Variants in CPNE1 observed in about 807,000 individuals in gnomAD.
CPNE1 encodes copine-1.
Under a neutral mutation model 63.2 loss-of-function variants are expected in CPNE1, and 58 were observed. The ratio of observed to expected loss-of-function variants is 0.92; its 90% confidence interval spans 0.74 to 1.14. The LOEUF is 1.14. Among genes scored for constraint, CPNE1 ranks in the 50% most tolerant of loss-of-function variants. CPNE1 has a pLI of 0.00. For synonymous variants in CPNE1, 237 were observed against 249.0 expected, an observed-to-expected ratio of 0.95 and a Z score of 0.45; for missense variants, 672 against 661.7, an observed-to-expected ratio of 1.02 and a Z score of -0.17.
intron 1 of CPNE1, among the ~76,000 whole-genome samples, chr20:35,639,581 C>A (rs540900840): frequency 6.6e-6 from 1 of 152,326 alleles, no homozygotes; most frequent in Admixed American, 6.5e-5. Context: ...GGTGATCCGC[C>A]CGCCTTGGCC....
intron 1 of CPNE1, among the ~76,000 whole-genome samples, chr20:35,640,223 T>C (rs2032728756): frequency 2.0e-5 from 3 of 152,220 alleles, no homozygotes; most frequent in Non-Finnish European, 2.9e-5. Context: ...TTCCAAAACA[T>C]GTTTAATCTC....
At chr20:35,654,758 G>C in intron 1 of CPNE1, 2 of 1,613,906 alleles carry the variant, frequency 1.2e-6, no homozygotes, top group Non-Finnish European at 1.7e-6. Context: ...GGAGGAATTG[G>C]TGGCGGCGGG....
At chr20:35,643,236 C>A (rs1279121925) in intron 1 of CPNE1, 1 of 161,028 alleles carries the variant, frequency 6.2e-6, no homozygotes, top group Non-Finnish European at 1.5e-5. Context: ...CCCCTTCCTC[C>A]CTCACCGCTC....
chr20:35,657,665 T>C (rs1010711276), intron 1 of CPNE1, among the ~76,000 whole-genome samples: 5 of 152,248 alleles, frequency 3.3e-5, no homozygotes, highest in Admixed American at 6.5e-5. Flanking sequence ...TGCCTCAGAT[T>C]ACCAGCTGGA....
In CPNE1 at chr20:35,640,309, A is replaced by T. The variant is rs546455951; in HGVS notation, c.1-7386T>A. Among the ~76,000 whole-genome samples the T allele has an allele frequency of 5.3e-5, 8 of 152,160 alleles. No individual in the cohort carries two copies. The South Asian group carries it at 1.7e-3, about 32-fold the overall frequency. On this transcript the variant is annotated intron_variant, in intron 1 of 15. Coordinates refer to ENST00000397443, the MANE Select transcript of CPNE1 (RefSeq NM_152925.3). ...ACTGTTCATGTCACTCTTCTGTCCTACATCTCTTGAACAACTACCTACTTT... is the reference window on the plus strand; with the variant it reads ...ACTGTTCATGTCACTCTTCTGTCCTTCATCTCTTGAACAACTACCTACTTT...
intron 1 of CPNE1, chr20:35,653,459 CT>C: frequency 6.2e-7 from 1 of 1,614,152 alleles, no homozygotes; most frequent in East Asian, 2.2e-5. Context: ...CTCATATCTT[CT>C]AGGGTAACTA....
intron 1 of CPNE1, 120 bp from the exon 2 acceptor site, chr20:35,633,043 C>A: frequency 1.4e-6 from 1 of 720,556 alleles, no homozygotes; most frequent in Non-Finnish European, 2.4e-6. Flanking sequence ...TACGTCCACC[C>A]CCGTGACACC....
chr20:35,654,980 T>C (rs764481112), intron 1 of CPNE1: 7 of 1,614,220 alleles, frequency 4.3e-6, no homozygotes, highest in Non-Finnish European at 5.1e-6. Flanking sequence ...TTTACCCTGC[T>C]ACTCATTCCT....
chr20:35,657,386 T>C (rs2033960981), intron 1 of CPNE1, among the ~76,000 whole-genome samples: 1 of 152,198 alleles, frequency 6.6e-6, no homozygotes, highest in African/African-American at 2.4e-5. Context: ...GTGATAGCAT[T>C]TCCTGTTCAA....
chr20:35,634,466 C>T (rs906554453), intron 1 of CPNE1, among the ~76,000 whole-genome samples: 7 of 151,016 alleles, frequency 4.6e-5, no homozygotes, highest in Non-Finnish European at 4.4e-5. Context: ...TGGTGGTGGG[C>T]GCCTGTAATC....
intron 1 of CPNE1, among the ~76,000 whole-genome samples, chr20:35,659,558 C>T (rs2034115153): frequency 2.0e-5 from 3 of 152,226 alleles, no homozygotes; most frequent in South Asian, 4.1e-4. Flanking sequence ...TGAGTTCTTG[C>T]TATAAGGACT....
chr20:35,652,959 G>A, intron 1 of CPNE1: 1 of 1,613,704 alleles, frequency 6.2e-7, no homozygotes, highest in Non-Finnish European at 8.5e-7. Flanking sequence ...AATTCTGAGG[G>A]CCCCCTCCAA....
At chr20:35,637,875 C>T (rs2032577816) in intron 1 of CPNE1, among the ~76,000 whole-genome samples, 2 of 152,168 alleles carry the variant, frequency 1.3e-5, no homozygotes, top group African/African-American at 4.8e-5. Context: ...CCACATATAC[C>T]TAACACCAAC....
intron 1 of CPNE1, among the ~76,000 whole-genome samples, chr20:35,663,573 A>C (rs553579343): frequency 1.4e-4 from 22 of 152,290 alleles, no homozygotes; most frequent in Admixed American, 9.8e-4. Flanking sequence ...ATATTAGGTT[A>C]TCTCTGAGAA....
intron 1 of CPNE1, chr20:35,658,824 C>T: frequency 1.6e-6 from 1 of 627,290 alleles, no homozygotes; most frequent in Non-Finnish European, 2.9e-6. Flanking sequence ...CACACACACA[C>T]ACACACACAC....
At chr20:35,630,616 T>C in intron 12 of CPNE1, 125 bp downstream of exon 12, 1 of 1,448,386 alleles carries the variant, frequency 6.9e-7, no homozygotes, top group Non-Finnish European at 9.7e-7. Flanking sequence ...TCTACGTGCC[T>C]GCAGGAATCC....
At position 35,626,306 on chromosome 20, in the gene CPNE1, C is replaced by T. The variant is rs368440396; in HGVS notation, c.1549G>A (p.Gly517Ser). The part of the protein sequence containing the change: ...TQLVSYFRAQ[G>S]WAPLKPLPPS... ...GGAAGTGGCTTGAGCGGGGCCCAACCCTGGGCCCTGAAGTATGAGACCAGT... is the reference window on the plus strand; with the variant it reads ...GGAAGTGGCTTGAGCGGGGCCCAACTCTGGGCCCTGAAGTATGAGACCAGT... Residue 517 changes from glycine to serine, a missense_variant, in exon 16 of 16, where the codon GGT (glycine) becomes AGT (serine). Gly to Ser is a moderately conservative substitution (Grantham distance 56). Transcript: ENST00000397443. 1.9e-5 allele frequency: 31 copies of T among 1,613,768 alleles called. No homozygotes were observed. Among genetic ancestry groups the T allele is most frequent in the Non-Finnish European group, 6.8e-6 (8 of 1,179,878 alleles).
chr20:35,647,661 G>A (rs1182078571), intron 1 of CPNE1, among the ~76,000 whole-genome samples: 1 of 151,996 alleles, frequency 6.6e-6, no homozygotes, highest in Non-Finnish European at 1.5e-5. Context: ...GCTAGTTAAC[G>A]TTGATCCAGA....
At chr20:35,639,727 G>A (rs1026472977) in intron 1 of CPNE1, among the ~76,000 whole-genome samples, 1 of 152,194 alleles carries the variant, frequency 6.6e-6, no homozygotes, top group Non-Finnish European at 1.5e-5. Flanking sequence ...ATTTGGGGTG[G>A]TAAGATTACA....
Sources: allele counts gnomAD v4.1 joint callset (sites outside exome capture counted in the v4.1 genomes callset), GRCh38; gene constraint gnomAD v4.1.1; transcripts MANE v1.5; gene names NCBI Gene and HGNC (gene_info 2026-07-23, HGNC 2026-07-21).